The following OTULIN variants were observed in gnomAD, a reference collection of about 807,000 sequenced individuals.
The protein encoded by OTULIN is OTU deubiquitinase with linear linkage specificity, also known as ubiquitin thioesterase otulin.
In OTULIN, 15 loss-of-function variants were observed where a neutral mutation model predicts 39.6. The ratio of observed to expected loss-of-function variants is 0.38; its 90% CI spans 0.25 to 0.58. OTULIN has a LOEUF of 0.58. OTULIN is among the 20% of genes least tolerant of loss of function. OTULIN has a pLI of 0.66. For synonymous variants in OTULIN, 156 were observed against 170.3 expected, an observed-to-expected ratio of 0.92 and a Z score of 0.65; for missense variants, 319 against 445.9, an observed-to-expected ratio of 0.72 and a Z score of 2.56.
In OTULIN at chr5:14,691,127, T is replaced by C. The variant is rs143876051; in HGVS notation, c.864+819T>C. On this transcript the variant is annotated intron_variant, in intron 6 of 6. Coordinates refer to ENST00000284274, the MANE Select transcript of OTULIN (RefSeq NM_138348.6). ...ATAGTTGAGTCACCACACCTTGTGC[T>C]ATCTTTGATGTGTTCATTTTCCTAA... Among the ~76,000 whole-genome samples, 37 of 152,384 alleles carry C rather than the reference T, an allele frequency of 2.4e-4. No individual in the cohort carries two copies. In the East Asian group the frequency reaches 6.7e-3, roughly 28 times the overall value.
the OTULIN span, among the ~76,000 whole-genome samples, chr5:14,715,339 G>A: frequency 6.6e-6 from 1 of 152,278 alleles, no homozygotes; most frequent in East Asian, 1.9e-4. Context: ...CCATGTTGGT[G>A]AGGCTGGTCT....
chr5:14,692,027 G>A (rs975133770), intron 6 of OTULIN, among the ~76,000 whole-genome samples: 2 of 152,072 alleles, frequency 1.3e-5, no homozygotes, highest in African/African-American at 2.4e-5. Context: ...CCACTTTTTA[G>A]TTCTGTGAAT....
rs1020170677 is a variant in OTULIN, at chr5:14,698,531, G to T, written c.*5483G>T. 2.6e-5 allele frequency: 4 copies of T among 152,184 alleles called. No individual in the cohort carries two copies. Among genetic ancestry groups the T allele is most frequent in the Non-Finnish European group, 4.4e-5 (3 of 68,024 alleles). 9.4% of individuals were successfully genotyped at this position (152,184 alleles called of 1,614,324 possible). A position where few individuals can be genotyped will look rare whatever the true frequency, so the allele number is the denominator to read the frequency against. On this transcript the variant is annotated 3_prime_UTR_variant, in exon 7 of 7. Transcript: ENST00000284274. ...GAACTGACTTGGGGGCTTTGCTGTTGATCCACTTTAGCAAACCCTGCTGCA... is the reference window on the plus strand; with the variant it reads ...GAACTGACTTGGGGGCTTTGCTGTTTATCCACTTTAGCAAACCCTGCTGCA...
chr5:14,713,434 C>T, the OTULIN span: 30 of 1,460,396 alleles, frequency 2.1e-5, no homozygotes, highest in Middle Eastern at 1.7e-4. The surrounding 1 kb of genome is among the most constrained non-coding windows in gnomAD (Gnocchi z 4.4). Flanking sequence ...TCTGAATTTC[C>T]GATTCTAGAC....
At chr5:14,678,105 G>T (rs1736151154) in intron 2 of OTULIN, among the ~76,000 whole-genome samples, 1 of 152,194 alleles carries the variant, frequency 6.6e-6, no homozygotes. Context: ...TGAGTGCTAA[G>T]AAGAAAAACC....
intron 6 of OTULIN, among the ~76,000 whole-genome samples, chr5:14,691,130 C>G (rs553668854): frequency 2.6e-5 from 4 of 152,206 alleles, no homozygotes; most frequent in Non-Finnish European, 5.9e-5. Context: ...CTTGTGCTAT[C>G]TTTGATGTGT....
intron 2 of OTULIN, among the ~76,000 whole-genome samples, chr5:14,676,491 T>G (rs1736108739): frequency 6.6e-6 from 1 of 152,192 alleles, no homozygotes; most frequent in Non-Finnish European, 1.5e-5. Flanking sequence ...CCAGTACCCA[T>G]TTTCCCAACC....
chr5:14,685,979 G>C (rs970122964), intron 4 of OTULIN, among the ~76,000 whole-genome samples: 5 of 152,210 alleles, frequency 3.3e-5, no homozygotes, highest in Admixed American at 1.3e-4. Context: ...GAGTGGGCTG[G>C]TGCAGCCTTT....
At chr5:14,670,770 A>G (rs982156832) in intron 1 of OTULIN, among the ~76,000 whole-genome samples, 1 of 150,614 alleles carries the variant, frequency 6.6e-6, no homozygotes, top group Non-Finnish European at 1.5e-5. Context: ...ATGTCCAATT[A>G]ATTTTTTTTT....
the OTULIN span, chr5:14,712,769 C>T: frequency 4.5e-6 from 5 of 1,112,866 alleles, no homozygotes; most frequent in Admixed American, 4.0e-5. Context: ...CACCAAGGAT[C>T]CCCCACTGAC....
At chr5:14,703,513 G>A (rs1429308665), downstream of OTULIN, among the ~76,000 whole-genome samples, 5 of 152,122 alleles carry the variant, frequency 3.3e-5, no homozygotes, top group African/African-American at 9.7e-5. Flanking sequence ...CTCCACTGGC[G>A]GTGGGGGGTT....
rs765620360 is a variant in OTULIN at position 14,690,330 on chromosome 5, G to C, written c.864+22G>C. On this transcript the variant is annotated intron_variant, in intron 6 of 6. Transcript: ENST00000284274. This position sits in a 1 kb window ranked among gnomAD's most constrained non-coding sequence, Gnocchi z 4.5. ...ACAGGTAAGTTGTGCTTTTGAGCATGTATTACCCCAAAATAAAGCAGCTTT... is the reference window on the plus strand; with the variant it reads ...ACAGGTAAGTTGTGCTTTTGAGCATCTATTACCCCAAAATAAAGCAGCTTT... 6.2e-7 allele frequency: 1 copy of C among 1,604,694 alleles called. No homozygotes were observed. The highest frequency in any genetic ancestry group is 8.5e-7 in the Non-Finnish European group (1 of 1,175,474).
intron 1 of OTULIN, among the ~76,000 whole-genome samples, chr5:14,673,107 C>T (rs1417669142): frequency 1.3e-5 from 2 of 152,064 alleles, no homozygotes; most frequent in Non-Finnish European, 2.9e-5. Flanking sequence ...ATTGTGGGGT[C>T]AGGAAGCAGG....
intron 2 of OTULIN, among the ~76,000 whole-genome samples, chr5:14,674,591 C>T (rs1736058136): frequency 6.6e-6 from 1 of 151,916 alleles, no homozygotes; most frequent in Admixed American, 6.6e-5. Flanking sequence ...CTTGTGTCTA[C>T]AAAAAATACA....
chr5:14,673,410 T>A (rs1736026331), intron 1 of OTULIN, among the ~76,000 whole-genome samples: 1 of 152,226 alleles, frequency 6.6e-6, no homozygotes, highest in Non-Finnish European at 1.5e-5. Context: ...AATGAAGTGA[T>A]GTAACTTGTC....
chr5:14,712,203 T>C, the OTULIN span, among the ~76,000 whole-genome samples: 2 of 152,252 alleles, frequency 1.3e-5, no homozygotes, highest in Non-Finnish European at 2.9e-5. Context: ...GCCAGTGTCC[T>C]GAGATGCACG....
At chr5:14,678,197 G>A (rs1736154004) in intron 2 of OTULIN, among the ~76,000 whole-genome samples, 1 of 152,230 alleles carries the variant, frequency 6.6e-6, no homozygotes, top group Admixed American at 6.5e-5. Context: ...GCAGAGGCCT[G>A]CATGGAGGGA....
Position 14,687,655 on chromosome 5 carries a change from C to T in OTULIN, c.594+9C>T, listed in dbSNP as rs761540729. On this transcript the variant is annotated intron_variant, in intron 5 of 6. Transcript: ENST00000284274. Reference sequence around the variant, plus strand: ...CTCTGCTGAGGAAGAAGGTTTGGAACCTGTAGTGTCCTGTCTGATAAGGGT... The same window carrying T: ...CTCTGCTGAGGAAGAAGGTTTGGAATCTGTAGTGTCCTGTCTGATAAGGGT... 4.4e-6 allele frequency: 7 copies of T among 1,604,502 alleles called. No homozygotes were observed. In the Middle Eastern group the frequency reaches 5.0e-4, roughly 114 times the overall value.
chr5:14,713,712 C>T, the OTULIN span: 5 of 1,612,068 alleles, frequency 3.1e-6, no homozygotes, highest in Admixed American at 3.3e-5. This position sits in a 1 kb window ranked among gnomAD's most constrained non-coding sequence, Gnocchi z 4.4. Context: ...CCGCCATCCA[C>T]TCCCCATCCT....
Sources: allele counts gnomAD v4.1 joint callset (sites outside exome capture counted in the v4.1 genomes callset), GRCh38; gene constraint gnomAD v4.1.1; non-coding constraint Gnocchi (gnomAD v3.1); transcripts MANE v1.5; gene names NCBI Gene and HGNC (gene_info 2026-07-23, HGNC 2026-07-21).